RNF157: variants seen among roughly 807,000 people sequenced by gnomAD.
RNF157 encodes the protein E3 ubiquitin ligase RNF157.
RNF157 carries 55 observed loss-of-function variants against 88.3 expected under a neutral mutation model. That is an observed-to-expected ratio of 0.62 (90% CI 0.50 to 0.78). The LOEUF is 0.78. Among genes scored for constraint, RNF157 ranks in the 30% least tolerant of loss-of-function variants. The probability of loss-of-function intolerance (pLI) is 0.00; values close to 1 mark genes in which losing one functional copy is unlikely to be tolerated. For missense variants in RNF157, 788 were observed against 860.8 expected (o/e 0.92, Z 1.06); for synonymous variants, 334 against 341.2 (o/e 0.98, Z 0.23).
chr17:76,162,786 T>C (rs771823821), intron 8 of RNF157, 163 bp from the exon 9 acceptor site: 7 of 517,314 alleles, frequency 1.4e-5, no homozygotes, highest in South Asian at 3.0e-5. Flanking sequence ...TATTTACTTA[T>C]GTTTTCTCTT....
At chr17:76,152,201 T>A (rs1167287142) in intron 18 of RNF157, among the ~76,000 whole-genome samples, 154 bp downstream of exon 18, 1 of 152,218 alleles carries the variant, frequency 6.6e-6, no homozygotes, top group Non-Finnish European at 1.5e-5. Context: ...CAGGCCTTCT[T>A]ACTTCCTTCA....
intron 1 of RNF157, among the ~76,000 whole-genome samples, chr17:76,228,899 G>A (rs2070141123): frequency 6.6e-6 from 1 of 152,024 alleles, no homozygotes; most frequent in African/African-American, 2.4e-5. Flanking sequence ...ACTCCAGCCT[G>A]GGCGACAGAG....
At chr17:76,207,409 C>T (rs2069699199) in intron 2 of RNF157, among the ~76,000 whole-genome samples, 1 of 151,896 alleles carries the variant, frequency 6.6e-6, no homozygotes, top group Admixed American at 6.6e-5. Flanking sequence ...GGTGACAGGG[C>T]AAGTCCCTAT....
intron 3 of RNF157, among the ~76,000 whole-genome samples, chr17:76,171,176 GC>G (rs1229732097): frequency 2.0e-5 from 3 of 150,698 alleles, no homozygotes; most frequent in Non-Finnish European, 4.4e-5. Flanking sequence ...ACAGGCATGA[GC>G]CACTGCACCG....
chr17:76,203,007 T>A (rs1011127389), intron 2 of RNF157, among the ~76,000 whole-genome samples: 1 of 152,232 alleles, frequency 6.6e-6, no homozygotes, highest in Non-Finnish European at 1.5e-5. Flanking sequence ...GTTATCTTTT[T>A]TTTTGAGAGA....
At position 76,173,686 on chromosome 17, in the gene RNF157, G is replaced by C; in HGVS notation, c.296+16C>G. On this transcript the variant is annotated intron_variant, in intron 3 of 18. Coordinates refer to ENST00000269391, the MANE Select transcript of RNF157 (RefSeq NM_052916.3). ...GGAAGGTGCCTGGGACCTGGCCCCAGCCTCTGGGAACTTACTTGACGAGCC... is the reference window on the plus strand; with the variant it reads ...GGAAGGTGCCTGGGACCTGGCCCCACCCTCTGGGAACTTACTTGACGAGCC... 3.1e-6 allele frequency: 5 copies of C among 1,590,362 alleles called. No homozygotes were observed. The highest frequency in any genetic ancestry group is 4.3e-6 in the Non-Finnish European group (5 of 1,164,190).
chr17:76,169,689 C>A (rs2068983806), intron 3 of RNF157, among the ~76,000 whole-genome samples: 1 of 151,152 alleles, frequency 6.6e-6, no homozygotes, highest in Non-Finnish European at 1.5e-5. Context: ...AAGTGATTCT[C>A]CCGTCTCAGC....
chr17:76,208,711 C>A (rs2069724305), intron 2 of RNF157, among the ~76,000 whole-genome samples: 1 of 152,136 alleles, frequency 6.6e-6, no homozygotes, highest in Non-Finnish European at 1.5e-5. Context: ...GTGGCTCACA[C>A]CTGTAATCCC....
chr17:76,182,140 C>G (rs1358395105), intron 2 of RNF157, among the ~76,000 whole-genome samples: 1 of 151,984 alleles, frequency 6.6e-6, no homozygotes, highest in African/African-American at 2.4e-5. Flanking sequence ...CTGTGTCTGT[C>G]CTGAAGTAAG....
At chr17:76,151,243 GAACA>G (rs1201962415) in intron 18 of RNF157, among the ~76,000 whole-genome samples, 9 of 152,208 alleles carry the variant, frequency 5.9e-5, no homozygotes, top group Non-Finnish European at 1.2e-4. Context: ...AGTGTCTTTA[GAACA>G]AACTAAATAG....
At chr17:76,205,403 G>C (rs1368879697) in intron 2 of RNF157, among the ~76,000 whole-genome samples, 1 of 152,062 alleles carries the variant, frequency 6.6e-6, no homozygotes, top group Non-Finnish European at 1.5e-5. Flanking sequence ...CAAAGTGCTG[G>C]GAATAGGGAT....
At chr17:76,239,924 G>A (rs1044981056) in intron 1 of RNF157, among the ~76,000 whole-genome samples, 15 of 152,114 alleles carry the variant, frequency 9.9e-5, no homozygotes, top group Non-Finnish European at 1.6e-4. Flanking sequence ...GAGGGGCTCG[G>A]TGCCCTCGGT....
At chr17:76,192,251 G>A (rs541476936) in intron 2 of RNF157, among the ~76,000 whole-genome samples, 16 of 152,282 alleles carry the variant, frequency 1.1e-4, no homozygotes, top group African/African-American at 2.6e-4. Flanking sequence ...ATCAAACAAC[G>A]AAGCAAAAGT....
At chr17:76,186,672 G>C (rs1485425130) in intron 2 of RNF157, among the ~76,000 whole-genome samples, 5 of 150,882 alleles carry the variant, frequency 3.3e-5, no homozygotes, top group Admixed American at 1.3e-4. Flanking sequence ...GGGGGCAGTG[G>C]CTCACGCCTG....
At chr17:76,145,455 T>C (rs943141362) in intron 18 of RNF157, 102 bp from the exon 19 acceptor site, 2 of 778,334 alleles carry the variant, frequency 2.6e-6, no homozygotes, top group South Asian at 3.5e-5. Context: ...AGGAGCAGGA[T>C]GCGTGTCACC....
At chr17:76,196,977 A>C (rs190805049) in intron 2 of RNF157, among the ~76,000 whole-genome samples, 1 of 152,332 alleles carries the variant, frequency 6.6e-6, no homozygotes, top group Non-Finnish European at 1.5e-5. Context: ...TGTCTTCCTC[A>C]TCTCTAGAGA....
rs80220380 is a variant in RNF157 at position 76,188,145 on chromosome 17, T to C, written c.208-14355A>G. On this transcript the variant is annotated intron_variant, in intron 2 of 18. Coordinates refer to ENST00000269391, the MANE Select transcript of RNF157 (RefSeq NM_052916.3). The stretch of plus-strand genomic sequence containing the variant: ...AGTCTAAACTCATTTAAAGACCGGA[T>C]ATAGTGAAATGCAGTGGCTAGAACT... Among the ~76,000 whole-genome samples, 673 of 152,308 alleles carry C rather than the reference T, an allele frequency of 4.4e-3. 2 individuals are homozygous for C. The highest frequency in any genetic ancestry group is 7.2e-3 in the Non-Finnish European group (488 of 68,026).
chr17:76,164,564 G>T, intron 8 of RNF157, 184 bp downstream of exon 8: 19 of 409,076 alleles, frequency 4.6e-5, no homozygotes, highest in Admixed American at 1.3e-4. Context: ...GTTTGTAATA[G>T]CTTGTAACAT....
chr17:76,145,214 C>G lies in RNF157; in HGVS notation c.*21G>C. The G allele has an allele frequency of 6.6e-7, 1 of 1,509,736 alleles. No individual in the cohort carries two copies. The highest frequency in any genetic ancestry group is 1.1e-5 in the South Asian group (1 of 87,004). 93.5% of individuals were successfully genotyped at this position (1,509,736 alleles called of 1,614,324 possible). ...GATGGAATGCAGGGCAGGAGGGGAG[C>G]CCAAGTGCAGAGGCTGGGGCTCAGA... On this transcript the variant is annotated 3_prime_UTR_variant, in exon 19 of 19. Coordinates refer to ENST00000269391, the MANE Select transcript of RNF157 (RefSeq NM_052916.3).
Sources: allele counts gnomAD v4.1 joint callset (sites outside exome capture counted in the v4.1 genomes callset), GRCh38; gene constraint gnomAD v4.1.1; transcripts MANE v1.5; gene names NCBI Gene and HGNC (gene_info 2026-07-23, HGNC 2026-07-21).